The following CDK11B variants were observed in gnomAD, a reference collection of about 807,000 sequenced individuals.
CDK11B encodes cyclin dependent kinase 11B, also known as cyclin-dependent kinase 11B.
A neutral mutation model predicts 84.0 loss-of-function variants in CDK11B; 37 were observed. The observed-to-expected ratio is 0.44, with a 90% confidence interval of 0.34 to 0.58. CDK11B has a LOEUF of 0.58. CDK11B is among the 20% of genes least tolerant of loss of function. The probability of loss-of-function intolerance (pLI) is 0.02; values close to 1 mark genes in which losing one functional copy is unlikely to be tolerated. For missense variants in CDK11B, 427 were observed against 834.0 expected (o/e 0.51, Z 6.01); for synonymous variants, 269 against 309.8 (o/e 0.87, Z 1.38).
At chr1:1,636,838 G>A (rs781230392) in intron 16 of CDK11B, 40 bp from the exon 17 acceptor site, 38 of 1,613,022 alleles carry the variant, frequency 2.4e-5, no homozygotes, top group Non-Finnish European at 2.9e-5. Flanking sequence ...GCCAGTGCCC[G>A]CGAAGCTGTG....
chr1:1,654,929 A>G (rs536940672), intron 3 of CDK11B, among the ~76,000 whole-genome samples: 30 of 152,154 alleles, frequency 2.0e-4, no homozygotes, highest in African/African-American at 7.0e-4. Flanking sequence ...AAGTGCTGGG[A>G]TTACAGGCGT....
chr1:1,649,275 A>AT (rs1370253780), intron 5 of CDK11B, among the ~76,000 whole-genome samples: 1 of 151,504 alleles, frequency 6.6e-6, no homozygotes, highest in African/African-American at 2.4e-5. Context: ...AATTTTTTGT[A>AT]TTTTTTTAGT....
In CDK11B at chr1:1,652,459, C is replaced by A; in HGVS notation, c.335G>T (p.Arg112Leu). ...DEKRKEKRRH[R>L]SHSAEGGKHA... The stretch of plus-strand genomic sequence containing the variant: ...TGTACCCCCTTCTGCTGAATGGCTA[C>A]GATGCCTACGTTTCTCTTTTCTCTT... The change falls in exon 4 of 20, where the codon CGT (arginine) becomes CTT (leucine). Residue 112 changes from arginine (R) to leucine (L), a missense_variant. By Grantham distance (102) the Arg-to-Leu change is moderately radical. This residue lies in a region of CDK11B where 71 missense variants were observed against 66.2 expected (regional missense o/e 1.07). Transcript: ENST00000341832. The A allele has an allele frequency of 6.7e-7, 1 of 1,502,484 alleles. No homozygotes were observed. The highest frequency in any genetic ancestry group is 1.4e-5 in the South Asian group (1 of 71,780). 93.1% of individuals were successfully genotyped at this position (1,502,484 alleles called of 1,614,324 possible). A position where few individuals can be genotyped will look rare whatever the true frequency, so the allele number is the denominator to read the frequency against.
chr1:1,646,542 A>C (rs556862160), intron 5 of CDK11B: 1 of 519,350 alleles, frequency 1.9e-6, no homozygotes, highest in South Asian at 1.4e-5. Flanking sequence ...GTTCCAGTAA[A>C]ACCTAAGATG....
chr1:1,658,356 C>A (rs1236407313), intron 1 of CDK11B, among the ~76,000 whole-genome samples: 1 of 149,658 alleles, frequency 6.7e-6, no homozygotes, highest in Non-Finnish European at 1.5e-5. Context: ...GAAAAATGAC[C>A]GCTTGAAATC....
At chr1:1,639,422 A>C (rs897843617) in intron 11 of CDK11B, among the ~76,000 whole-genome samples, 2 of 151,708 alleles carry the variant, frequency 1.3e-5, no homozygotes, top group Admixed American at 1.3e-4. Context: ...GTCTCCAAAA[A>C]AAAAGCCATC....
chr1:1,640,221 G>A (rs1335707491), intron 11 of CDK11B, 56 bp downstream of exon 11: 4 of 1,598,342 alleles, frequency 2.5e-6, no homozygotes, highest in Admixed American at 1.7e-5. Context: ...CTCAGCCCCT[G>A]TGGTAACTCC....
intron 11 of CDK11B, among the ~76,000 whole-genome samples, chr1:1,639,475 C>T (rs1158730944): frequency 6.6e-6 from 1 of 151,918 alleles, no homozygotes; most frequent in Admixed American, 6.6e-5. Context: ...CCTGCTTGTA[C>T]CAGGATGACA....
intron 4 of CDK11B, among the ~76,000 whole-genome samples, chr1:1,650,926 C>G (rs1196332853): frequency 1.3e-5 from 2 of 152,084 alleles, no homozygotes; most frequent in South Asian, 2.1e-4. Context: ...TTGTAATATT[C>G]GTCTTTTAAA....
In CDK11B at chr1:1,637,165, C is replaced by G; in HGVS notation, c.1608G>C (p.Gly536=). ...VKTLMIQLLR[G]VKHLHDNWIL... ...TCCAGTTGTCGTGCAGGTGTTTCAC[C>G]CCACGCAGCAGCTGGATCATCAGGG... The change falls in exon 15 of 20, where the codon GGG becomes GGC. Residue 536 remains glycine (G), a synonymous_variant. Coordinates refer to ENST00000341832, the MANE Select transcript of CDK11B (RefSeq NM_033486.3). 1.2e-6 allele frequency: 2 copies of G among 1,613,600 alleles called. No individual in the cohort carries two copies. The highest frequency in any genetic ancestry group is 1.7e-6 in the Non-Finnish European group (2 of 1,179,854).
At chr1:1,653,823 AAT>A (rs1411277071) in intron 3 of CDK11B, among the ~76,000 whole-genome samples, 3 of 60,274 alleles carry the variant, frequency 5.0e-5, no homozygotes, top group African/African-American at 2.2e-4. Context: ...CTCTACTAAA[AAT>A]ACACACACAC....
At chr1:1,654,247 C>T (rs945558314) in intron 3 of CDK11B, 7 of 439,876 alleles carry the variant, frequency 1.6e-5, no homozygotes, top group African/African-American at 8.1e-5. Context: ...CAGGAAGAAA[C>T]GTCGGAACAC....
rs539421067 is a variant in CDK11B at position 1,648,933 on chromosome 1, C to T, written c.494+566G>A. ...ACAGGCATGAGCCACCGCGCCCGGC[C>T]GGACATGCAGATTTCTGATCCCTTC... On this transcript the variant is annotated intron_variant, in intron 5 of 19. Transcript: ENST00000341832. Among the ~76,000 whole-genome samples, 4 of 151,984 alleles carry T rather than the reference C, an allele frequency of 2.6e-5. No homozygotes were observed. The South Asian group carries it at 6.3e-4, about 24-fold the overall frequency.
chr1:1,655,829 C>G (rs1287639102), intron 2 of CDK11B, among the ~76,000 whole-genome samples: 1 of 151,630 alleles, frequency 6.6e-6, no homozygotes, highest in Non-Finnish European at 1.5e-5. Flanking sequence ...ATTGCAGTGA[C>G]CCGAGATCAC....
rs371768327 is a variant in CDK11B at position 1,644,684 on chromosome 1, C to G, written c.631+442G>C. Among the ~76,000 whole-genome samples the G allele has an allele frequency of 3.4e-4, 52 of 151,828 alleles. No individual in the cohort carries two copies. The East Asian group carries it at 8.3e-3, about 24-fold the overall frequency. Reference sequence around the variant, plus strand: ...ATAAAGATCTCCATTAAGGTGAGGACGTGGGTGACTATAAAAGCTCGTACT... The same window carrying G: ...ATAAAGATCTCCATTAAGGTGAGGAGGTGGGTGACTATAAAAGCTCGTACT... On this transcript the variant is annotated intron_variant, in intron 6 of 19. Transcript: ENST00000341832.
intron 4 of CDK11B, among the ~76,000 whole-genome samples, chr1:1,651,624 TAG>T (rs1272196469): frequency 0.039 from 5,952 of 151,182 alleles, 405 homozygotes; most frequent in African/African-American, 0.14. Flanking sequence ...TGCTTTTAGC[TAG>T]AGTTTGCTCT....
intron 3 of CDK11B, among the ~76,000 whole-genome samples, chr1:1,653,777 A>G (rs1642324245): frequency 6.6e-6 from 1 of 151,424 alleles, no homozygotes; most frequent in Admixed American, 6.6e-5. Context: ...TGAGGTTAGG[A>G]GTTCAAGACC....
chr1:1,652,594 C>A, intron 3 of CDK11B, 28 bp from the exon 4 acceptor site: 1 of 1,371,548 alleles, frequency 7.3e-7, no homozygotes, highest in Non-Finnish European at 9.5e-7. Context: ...AGCACTGCAT[C>A]ATGCTTGAGA....
intron 14 of CDK11B, 44 bp from the exon 15 acceptor site, chr1:1,637,246 C>T (rs756897202): frequency 3.7e-6 from 6 of 1,607,056 alleles, no homozygotes; most frequent in East Asian, 2.2e-5. Flanking sequence ...CTGCCCCCAG[C>T]CCAGGGCACT....
Sources: allele counts gnomAD v4.1 joint callset (sites outside exome capture counted in the v4.1 genomes callset), GRCh38; gene constraint gnomAD v4.1.1; regional missense constraint gnomAD v4.1.1; transcripts MANE v1.5; gene names NCBI Gene and HGNC (gene_info 2026-07-23, HGNC 2026-07-21).